Variants in DAB1 observed in about 807,000 individuals in gnomAD.
The protein encoded by DAB1 is disabled homolog 1.
DAB1 carries 15 observed loss-of-function variants against 64.6 expected under a neutral mutation model. That is an observed-to-expected ratio of 0.23 (90% CI 0.16 to 0.36). The LOEUF (loss-of-function observed/expected upper bound fraction) is 0.36. Among genes scored for constraint, DAB1 ranks in the 10% least tolerant of loss-of-function variants. The probability of loss-of-function intolerance (pLI) is 1.00; values close to 1 mark genes in which losing one functional copy is unlikely to be tolerated. For missense variants in DAB1, 596 were observed against 706.7 expected, an observed-to-expected ratio of 0.84 and a Z score of 1.78; for synonymous variants, 235 against 251.9, an observed-to-expected ratio of 0.93 and a Z score of 0.64.
upstream of DAB1, among the ~76,000 whole-genome samples, chr1:57,886,541 T>G (rs190173096): frequency 6.6e-6 from 1 of 152,308 alleles, no homozygotes; most frequent in East Asian, 1.9e-4. Context: ...TTCTAAGCCC[T>G]TCGTATACTT....
chr1:57,062,130 G>A (rs775061824), intron 9 of DAB1, among the ~76,000 whole-genome samples: 41 of 152,152 alleles, frequency 2.7e-4, no homozygotes, highest in Non-Finnish European at 4.7e-4. Context: ...GTTTGGAGCA[G>A]TACCACACAG....
chr1:58,288,042 A>G (rs1247223060), intron 4 of DAB1, among the ~76,000 whole-genome samples: 3 of 149,858 alleles, frequency 2.0e-5, no homozygotes, highest in African/African-American at 4.9e-5. Context: ...AAAAAAAAAA[A>G]AAAGAAAAAA....
chr1:57,551,081 T>C (rs1644908834), intron 7 of DAB1, among the ~76,000 whole-genome samples: 1 of 152,044 alleles, frequency 6.6e-6, no homozygotes, highest in Non-Finnish European at 1.5e-5. Flanking sequence ...ACTAAGACTA[T>C]GCATTTCCAC....
At chr1:58,127,450 G>A (rs1374630464) in intron 5 of DAB1, among the ~76,000 whole-genome samples, 2 of 150,554 alleles carry the variant, frequency 1.3e-5, no homozygotes, top group Admixed American at 6.6e-5. Flanking sequence ...CTGTGCAGAA[G>A]CTCTTTAGTT....
At chr1:57,661,866 C>T (rs890581108) in intron 6 of DAB1, among the ~76,000 whole-genome samples, 3 of 151,846 alleles carry the variant, frequency 2.0e-5, no homozygotes, top group African/African-American at 4.8e-5. Flanking sequence ...GTTAGTAGAA[C>T]TGGTGGATGT....
intron 5 of DAB1, among the ~76,000 whole-genome samples, chr1:58,037,002 C>G (rs1404730791): frequency 1.3e-5 from 2 of 152,106 alleles, no homozygotes; most frequent in African/African-American, 4.8e-5. Context: ...TTTCAGCTTC[C>G]CTTGCCTGCT....
chr1:58,251,973 A>T (rs781404760), intron 4 of DAB1, among the ~76,000 whole-genome samples: 3 of 152,178 alleles, frequency 2.0e-5, no homozygotes, highest in African/African-American at 4.8e-5. Context: ...TAGGAAAAAA[A>T]GGCCACTGGA....
chr1:58,037,574 A>G (rs1228660786), intron 5 of DAB1, among the ~76,000 whole-genome samples: 1 of 152,164 alleles, frequency 6.6e-6, no homozygotes, highest in Admixed American at 6.5e-5. Flanking sequence ...TGAGAATTTG[A>G]TGCCTGATTG....
chr1:57,324,240 G>C (rs928118422), intron 1 of DAB1, among the ~76,000 whole-genome samples: 1 of 152,186 alleles, frequency 6.6e-6, no homozygotes, highest in African/African-American at 2.4e-5. Flanking sequence ...CTTTATTACA[G>C]AGGAGGAGTC....
intron 9 of DAB1, among the ~76,000 whole-genome samples, chr1:57,046,571 A>T (rs1648523955): frequency 6.6e-6 from 1 of 152,210 alleles, no homozygotes; most frequent in African/African-American, 2.4e-5. Flanking sequence ...GCATCAATGG[A>T]TATTTATGGG....
chr1:57,997,748 G>A (rs182217460), intron 5 of DAB1, among the ~76,000 whole-genome samples: 230 of 152,166 alleles, frequency 1.5e-3, no homozygotes, highest in African/African-American at 5.4e-3. Flanking sequence ...AGACAGCACT[G>A]ACCAAATCCA....
chr1:57,608,347 A>G, intron 7 of DAB1, among the ~76,000 whole-genome samples: 1 of 152,124 alleles, frequency 6.6e-6, no homozygotes, highest in Non-Finnish European at 1.5e-5. Context: ...GTAAATTTAT[A>G]TCTGTTCTCT....
intron 5 of DAB1, among the ~76,000 whole-genome samples, chr1:58,025,382 AT>A (rs1646874236): frequency 6.6e-6 from 1 of 151,882 alleles, no homozygotes; most frequent in Admixed American, 6.6e-5. Flanking sequence ...GTTCCTAGTA[AT>A]TCAACTTATT....
At chr1:57,072,148 A>T (rs1651538928) in intron 5 of DAB1, 135 bp downstream of exon 5, 1 of 941,592 alleles carries the variant, frequency 1.1e-6, no homozygotes, top group African/African-American at 1.7e-5. Flanking sequence ...TCTAGATGGG[A>T]ATGTGAGCAT....
At chr1:57,439,433 T>TTTTTTTTTGTTTTTTTTTTTTTTTTG (rs1685841001) in intron 7 of DAB1, among the ~76,000 whole-genome samples, 2 of 131,926 alleles carry the variant, frequency 1.5e-5, no homozygotes, top group South Asian at 2.7e-4. Context: ...TTCTTTTTTT[T>TTTTTTTTTGTTTTTTTTTTTTTTTTG]TTTTTTTTTT....
intron 1 of DAB1, among the ~76,000 whole-genome samples, chr1:57,350,690 C>T (rs1471143970): frequency 6.6e-6 from 1 of 151,986 alleles, no homozygotes; most frequent in African/African-American, 2.4e-5. Context: ...AAGTAAATGC[C>T]AATTTCCAGT....
rs572418386 is a variant in DAB1 at position 57,260,595 on chromosome 1, A to T, written c.67+30369T>A. ...CAATGACATGACACAAACCCCACAGATCCTGAGGCTGCATGGCACAGAAAA... is the reference window on the plus strand; with the variant it reads ...CAATGACATGACACAAACCCCACAGTTCCTGAGGCTGCATGGCACAGAAAA... On this transcript the variant is annotated intron_variant, in intron 2 of 14. Coordinates refer to ENST00000371236, the MANE Select transcript of DAB1 (RefSeq NM_001365792.1). Among the ~76,000 whole-genome samples the T allele has an allele frequency of 2.6e-5, 4 of 152,296 alleles. No homozygotes were observed. In the South Asian group the frequency reaches 8.3e-4, roughly 32 times the overall value.
intron 4 of DAB1, among the ~76,000 whole-genome samples, chr1:58,308,258 A>G (rs919299511): frequency 1.2e-4 from 18 of 152,128 alleles, no homozygotes; most frequent in African/African-American, 4.3e-4. Flanking sequence ...ATGCCCTCAC[A>G]TCCTTTTATC....
Position 57,468,968 on chromosome 1 carries a change from C to T in DAB1, n.626-177802G>A, listed in dbSNP as rs546398953. 2.3e-4 allele frequency among the ~76,000 whole-genome samples: 35 copies of T among 152,268 alleles called. 1 individual carries two copies. The South Asian group carries it at 5.4e-3, about 23-fold the overall frequency. The stretch of plus-strand genomic sequence containing the variant: ...CTCCTGCAGGGGGTAAAAACCCCTC[C>T]ACATTAAACTTATTCACTCTGTTAG... On this transcript the variant is annotated intron_variant and non_coding_transcript_variant, in intron 7 of 20. Coordinates refer to the DAB1 transcript ENST00000485760.
Sources: allele counts gnomAD v4.1 joint callset (sites outside exome capture counted in the v4.1 genomes callset), GRCh38; gene constraint gnomAD v4.1.1; transcripts MANE v1.5; gene names NCBI Gene and HGNC (gene_info 2026-07-23, HGNC 2026-07-21).